ZBTB16: variants seen among roughly 807,000 people sequenced by gnomAD.
The protein encoded by ZBTB16 is zinc finger and BTB domain-containing protein 16.
In ZBTB16, 8 loss-of-function variants were observed where a neutral mutation model predicts 56.8. The ratio of observed to expected loss-of-function variants is 0.14; its 90% CI spans 0.08 to 0.25. ZBTB16 has a LOEUF of 0.25. ZBTB16 is among the 10% of genes least tolerant of loss of function. ZBTB16 has a pLI of 1.00. For synonymous variants in ZBTB16, 363 were observed against 368.5 expected, an observed-to-expected ratio of 0.98 and a Z score of 0.17; for missense variants, 625 against 903.0, an observed-to-expected ratio of 0.69 and a Z score of 3.95.
chr11:114,135,932 A>G (rs1591702937), intron 2 of ZBTB16, among the ~76,000 whole-genome samples: 1 of 152,326 alleles, frequency 6.6e-6, no homozygotes, highest in Middle Eastern at 3.4e-3. Flanking sequence ...CTCAAAGGAA[A>G]GAACATCTGC....
intron 3 of ZBTB16, among the ~76,000 whole-genome samples, chr11:114,172,248 G>A (rs1321684959): frequency 6.6e-6 from 1 of 152,170 alleles, no homozygotes; most frequent in Non-Finnish European, 1.5e-5. Context: ...TTTTTGTCCT[G>A]GGCAAGGCAG....
intron 3 of ZBTB16, among the ~76,000 whole-genome samples, chr11:114,178,709 A>G (rs1943178403): frequency 6.6e-6 from 1 of 152,222 alleles, no homozygotes; most frequent in Non-Finnish European, 1.5e-5. Flanking sequence ...GCAGGATCCC[A>G]GTAAGAGACA....
chr11:114,168,145 G>A (rs1211974116), intron 3 of ZBTB16, among the ~76,000 whole-genome samples: 1 of 152,118 alleles, frequency 6.6e-6, no homozygotes, highest in African/African-American at 2.4e-5. Context: ...ATACTACCTC[G>A]CTTAGTAACC....
intron 2 of ZBTB16, among the ~76,000 whole-genome samples, chr11:114,129,965 T>C (rs1287176858): frequency 6.6e-6 from 1 of 152,260 alleles, no homozygotes; most frequent in African/African-American, 2.4e-5. Flanking sequence ...TGATAAAATA[T>C]ATCAGTGGAT....
intron 4 of ZBTB16, among the ~76,000 whole-genome samples, chr11:114,209,018 A>G (rs776107928): frequency 1.1e-4 from 17 of 152,178 alleles, no homozygotes; most frequent in Non-Finnish European, 2.2e-4. Flanking sequence ...TCCCTTGTAA[A>G]TCTCATTCAT....
At chr11:114,168,626 C>G (rs1484587190) in intron 3 of ZBTB16, among the ~76,000 whole-genome samples, 1 of 152,254 alleles carries the variant, frequency 6.6e-6, no homozygotes, top group Non-Finnish European at 1.5e-5. Context: ...ATCTCCCTCT[C>G]TTTCTCTCTC....
chr11:114,153,054 G>A (rs1017529415), intron 2 of ZBTB16, among the ~76,000 whole-genome samples: 10 of 152,186 alleles, frequency 6.6e-5, no homozygotes, highest in African/African-American at 1.9e-4. Flanking sequence ...TCCAGGAATC[G>A]GTTGGAATTC....
chr11:114,110,754 A>G (rs541152906), intron 2 of ZBTB16, among the ~76,000 whole-genome samples: 46 of 152,240 alleles, frequency 3.0e-4, no homozygotes, highest in Non-Finnish European at 5.9e-4. Context: ...TATTTACGTA[A>G]TAAAAAGCTT....
intron 2 of ZBTB16, among the ~76,000 whole-genome samples, chr11:114,073,965 C>A (rs982496991): frequency 2.6e-5 from 4 of 152,242 alleles, no homozygotes; most frequent in Admixed American, 6.5e-5. Context: ...GGCAGAAAGA[C>A]TGACGTCTGA....
At chr11:114,160,146 T>A (rs919985772) in intron 3 of ZBTB16, among the ~76,000 whole-genome samples, 1 of 152,116 alleles carries the variant, frequency 6.6e-6, no homozygotes, top group Non-Finnish European at 1.5e-5. Flanking sequence ...GAGCATTGCC[T>A]GTGTTTGTTA....
At chr11:114,247,058 T>A (rs1944829436) in intron 5 of ZBTB16, 140 bp from the exon 6 acceptor site, 7 of 1,002,186 alleles carry the variant, frequency 7.0e-6, no homozygotes, top group Non-Finnish European at 1.1e-5. Flanking sequence ...AATGGAGGTG[T>A]GGCCGTGGAT....
chr11:114,136,544 C>T (rs895672471), intron 2 of ZBTB16, among the ~76,000 whole-genome samples: 1 of 152,142 alleles, frequency 6.6e-6, no homozygotes, highest in African/African-American at 2.4e-5. Context: ...GTTCCCCCTA[C>T]TATTGCAACA....
intron 2 of ZBTB16, among the ~76,000 whole-genome samples, chr11:114,070,711 T>C (rs1471239878): frequency 6.6e-6 from 1 of 152,184 alleles, no homozygotes; most frequent in East Asian, 1.9e-4. Context: ...ATACCACCAT[T>C]GGAGGCTACA....
intron 2 of ZBTB16, among the ~76,000 whole-genome samples, chr11:114,123,583 AGGGTGG>A (rs1431626455): frequency 1.3e-5 from 2 of 152,150 alleles, no homozygotes; most frequent in South Asian, 2.1e-4. Flanking sequence ...GGAATGTTTG[AGGGTGG>A]CCTTGGGTTC....
intron 3 of ZBTB16, among the ~76,000 whole-genome samples, chr11:114,171,362 C>T (rs1363438155): frequency 6.6e-6 from 1 of 152,206 alleles, no homozygotes; most frequent in Non-Finnish European, 1.5e-5. Flanking sequence ...CCACTGAACT[C>T]CACCCCCATC....
chr11:114,074,420 A>G (rs1939462699), intron 2 of ZBTB16, among the ~76,000 whole-genome samples: 1 of 152,172 alleles, frequency 6.6e-6, no homozygotes, highest in African/African-American at 2.4e-5. Flanking sequence ...GCTGGGGGAA[A>G]TGTGGAGGGA....
At chr11:114,141,257 G>T (rs551650077) in intron 2 of ZBTB16, among the ~76,000 whole-genome samples, 1 of 152,274 alleles carries the variant, frequency 6.6e-6, no homozygotes, top group East Asian at 1.9e-4. Flanking sequence ...TGGGTAGCTA[G>T]AACCCTTCGG....
intron 2 of ZBTB16, among the ~76,000 whole-genome samples, chr11:114,080,877 C>T (rs541356420): frequency 1.3e-5 from 2 of 152,308 alleles, no homozygotes; most frequent in East Asian, 3.9e-4. Flanking sequence ...CCTCCTCTTG[C>T]CACCTGTTGA....
rs78610137 is a variant in ZBTB16, at chr11:114,190,220, G to A, written c.1453+3182G>A. On this transcript the variant is annotated intron_variant, in intron 4 of 6. Transcript: ENST00000335953. ...AGTTTCTTCATGGAGTGATGAAAAT[G>A]TTCTAAAATTGATTGTGGTGATGAC... Among the ~76,000 whole-genome samples the A allele has an allele frequency of 6.4e-3, 975 of 152,302 alleles. 7 individuals are homozygous for A. Among genetic ancestry groups the A allele is most frequent in the Non-Finnish European group, 9.9e-3 (673 of 68,022 alleles).
Sources: allele counts gnomAD v4.1 joint callset (sites outside exome capture counted in the v4.1 genomes callset), GRCh38; gene constraint gnomAD v4.1.1; transcripts MANE v1.5; gene names NCBI Gene and HGNC (gene_info 2026-07-23, HGNC 2026-07-21).